Variants in GPHN observed in about 807,000 individuals in gnomAD.
GPHN encodes the protein gephyrin.
A neutral mutation model predicts 95.5 loss-of-function variants in GPHN; 17 were observed. The observed-to-expected ratio is 0.18, with a 90% CI of 0.12 to 0.27. The LOEUF is 0.27. Ranked by LOEUF, GPHN falls within the 10% of genes least tolerant of loss-of-function variation. The pLI, the probability that GPHN is intolerant of heterozygous loss-of-function variation, is 1.00. For synonymous variants in GPHN, 320 were observed against 322.5 expected (o/e 0.99, Z 0.08); for missense variants, 660 against 978.1 (o/e 0.67, Z 4.34).
chr14:67,168,886 A>G (rs777227662), intron 20 of GPHN, 47 bp from the exon 21 acceptor site: 9 of 1,214,210 alleles, frequency 7.4e-6, no homozygotes, highest in Non-Finnish European at 1.1e-5. Context: ...ATTATTTGGC[A>G]AATTGTTACA....
chr14:66,871,963 A>C (rs1360044483), intron 4 of GPHN, among the ~76,000 whole-genome samples: 2 of 152,152 alleles, frequency 1.3e-5, no homozygotes, highest in African/African-American at 4.8e-5. Flanking sequence ...TTAAATACGT[A>C]AAAAAAGATG....
chr14:67,433,567 TCAA>T, the GPHN span, among the ~76,000 whole-genome samples: 16 of 151,806 alleles, frequency 1.1e-4, no homozygotes, highest in South Asian at 6.2e-4. Flanking sequence ...ATCCTATAAT[TCAA>T]CAACAACAAC....
chr14:67,233,151 A>ATTTTAT, the GPHN span, among the ~76,000 whole-genome samples: 5 of 150,270 alleles, frequency 3.3e-5, no homozygotes, highest in African/African-American at 1.2e-4. Flanking sequence ...ATTTTATTTT[A>ATTTTAT]TTTTTTTGGA....
intron 4 of GPHN, among the ~76,000 whole-genome samples, chr14:66,856,187 G>C (rs1195935597): frequency 6.6e-6 from 1 of 151,930 alleles, no homozygotes; most frequent in Non-Finnish European, 1.5e-5. Flanking sequence ...GAGTAACTTT[G>C]GTTTAAAAAA....
intron 1 of GPHN, among the ~76,000 whole-genome samples, chr14:66,584,480 A>G (rs922517007): frequency 4.6e-5 from 7 of 152,118 alleles, no homozygotes; most frequent in Admixed American, 3.9e-4. Flanking sequence ...TTCAAAGGGA[A>G]TGCTTCCAGT....
At chr14:66,915,362 T>A (rs1291901851) in intron 5 of GPHN, among the ~76,000 whole-genome samples, 1 of 152,206 alleles carries the variant, frequency 6.6e-6, no homozygotes, top group African/African-American at 2.4e-5. Flanking sequence ...TCTAGGCCTT[T>A]GCTCCTTGAC....
chr14:67,121,848 T>C (rs961418717), intron 16 of GPHN, among the ~76,000 whole-genome samples: 3 of 152,208 alleles, frequency 2.0e-5, no homozygotes, highest in African/African-American at 7.2e-5. Flanking sequence ...ACTATTATTC[T>C]GTTCAGACTT....
intron 2 of GPHN, among the ~76,000 whole-genome samples, chr14:66,701,990 C>T (rs2068598473): frequency 6.6e-6 from 1 of 152,200 alleles, no homozygotes; most frequent in Non-Finnish European, 1.5e-5. Context: ...GGTCCCAAGA[C>T]ATGTCCTCCA....
chr14:66,666,986 A>G (rs1241836603), intron 1 of GPHN, among the ~76,000 whole-genome samples: 3 of 152,212 alleles, frequency 2.0e-5, no homozygotes, highest in Admixed American at 6.5e-5. Flanking sequence ...ATTCCTATAC[A>G]TGAACAACAG....
chr14:67,379,654 C>CTTTTTTTT, the GPHN span, among the ~76,000 whole-genome samples: 145 of 119,928 alleles, frequency 1.2e-3, 5 homozygotes, highest in Non-Finnish European at 1.5e-3. Flanking sequence ...TTTTCTTTTT[C>CTTTTTTTT]TTTTTTTTTT....
chr14:67,042,066 T>C (rs1179216204), intron 10 of GPHN, among the ~76,000 whole-genome samples: 1 of 152,160 alleles, frequency 6.6e-6, no homozygotes, highest in Non-Finnish European at 1.5e-5. Context: ...GATGGGTTTT[T>C]TTTTTTCTTG....
chr14:67,663,789 G>C, the GPHN span, among the ~76,000 whole-genome samples: 2 of 152,308 alleles, frequency 1.3e-5, no homozygotes, highest in Middle Eastern at 6.8e-3. Context: ...TTGTATGGGG[G>C]AAAGGCATAC....
At chr14:67,247,903 A>C in the GPHN span, among the ~76,000 whole-genome samples, 2 of 152,186 alleles carry the variant, frequency 1.3e-5, no homozygotes, top group East Asian at 3.8e-4. Context: ...TTAAAGGAAA[A>C]GTATTCAGTC....
At chr14:66,584,419 A>G (rs2061336276) in intron 1 of GPHN, among the ~76,000 whole-genome samples, 1 of 152,100 alleles carries the variant, frequency 6.6e-6, no homozygotes, top group Non-Finnish European at 1.5e-5. Context: ...AACTTCCAAC[A>G]CTATGTTGAA....
chr14:67,484,193 C>T, the GPHN span, among the ~76,000 whole-genome samples: 1 of 152,218 alleles, frequency 6.6e-6, no homozygotes, highest in Non-Finnish European at 1.5e-5. Context: ...TGGTCTGTCT[C>T]TCCTCAACTA....
At chr14:67,359,447 C>A in the GPHN span, among the ~76,000 whole-genome samples, 1 of 151,824 alleles carries the variant, frequency 6.6e-6, no homozygotes, top group African/African-American at 2.4e-5. Context: ...CTTTTCCTAC[C>A]GGCTGGGATC....
chr14:66,691,164 A>G (rs1186918736), intron 2 of GPHN, among the ~76,000 whole-genome samples: 1 of 151,892 alleles, frequency 6.6e-6, no homozygotes, highest in African/African-American at 2.4e-5. Flanking sequence ...CAACATAGTG[A>G]GACACTGTCT....
chr14:67,577,005 C>G, the GPHN span, among the ~76,000 whole-genome samples: 1 of 152,158 alleles, frequency 6.6e-6, no homozygotes, highest in African/African-American at 2.4e-5. Flanking sequence ...TCCATCCAGA[C>G]TTGACACAGT....
the GPHN span, among the ~76,000 whole-genome samples, chr14:67,731,207 CTTTTTTTTTTTTTTT>C: frequency 1.1e-5 from 1 of 90,622 alleles, no homozygotes; most frequent in Non-Finnish European, 2.0e-5. Context: ...TTCTTTCTTT[CTTTTTTTTTTTTTTT>C]TTTTTTTTTG....
Sources: gnomAD v4.1 joint callset for allele counts (sites outside exome capture counted in the v4.1 genomes callset) on GRCh38, gnomAD v4.1.1 for gene constraint, MANE v1.5 for transcripts, NCBI Gene and HGNC (gene_info 2026-07-23, HGNC 2026-07-21) for gene names.